Variants in DACH2 observed in about 807,000 individuals in gnomAD.
DACH2 encodes the protein dachshund homolog 2.
A neutral mutation model predicts 35.8 loss-of-function variants in DACH2; 17 were observed. The observed-to-expected ratio is 0.48, with a 90% confidence interval of 0.33 to 0.71. DACH2 has a LOEUF of 0.71. Among genes scored for constraint, DACH2 ranks in the 30% least tolerant of loss-of-function variants. The probability of loss-of-function intolerance (pLI) is 0.02; values close to 1 mark genes in which losing one functional copy is unlikely to be tolerated. For missense variants in DACH2, 469 were observed against 472.7 expected, an observed-to-expected ratio of 0.99 and a Z score of 0.07; for synonymous variants, 195 against 177.3, an observed-to-expected ratio of 1.10 and a Z score of -0.79.
At chrX:86,537,910 C>G (rs1420291548) in intron 3 of DACH2, among the ~76,000 whole-genome samples, 4 of 111,274 alleles carry the variant, frequency 3.6e-5, no homozygotes, top group Non-Finnish European at 7.5e-5. Context: ...AATTCCTTCT[C>G]CTGGCTCAGA....
At chrX:86,437,216 G>A (rs190886281) in intron 2 of DACH2, among the ~76,000 whole-genome samples, 1 of 111,097 alleles carries the variant, frequency 9.0e-6, no homozygotes, top group African/African-American at 3.3e-5. Context: ...TTTGTTACAT[G>A]CATAGAAGGT....
intron 2 of DACH2, among the ~76,000 whole-genome samples, chrX:86,414,163 G>A (rs563940955): frequency 1.8e-5 from 2 of 111,609 alleles, no homozygotes; most frequent in Admixed American, 9.5e-5. Flanking sequence ...GCTCAAGTCT[G>A]GAAATTGTTT....
chrX:86,402,693 T>A (rs1310189356), intron 2 of DACH2, among the ~76,000 whole-genome samples: 1 of 111,455 alleles, frequency 9.0e-6, no homozygotes, highest in Non-Finnish European at 1.9e-5. Context: ...ACAATTCATA[T>A]AGAACCAAAT....
intron 2 of DACH2, among the ~76,000 whole-genome samples, chrX:86,424,082 T>A (rs1279165541): frequency 6.3e-5 from 7 of 111,205 alleles, no homozygotes; most frequent in African/African-American, 1.6e-4. Context: ...TTTTGGTTCC[T>A]ATAGCTCTGT....
intron 2 of DACH2, among the ~76,000 whole-genome samples, chrX:86,442,780 G>A (rs769140752): frequency 1.8e-5 from 2 of 111,533 alleles, no homozygotes; most frequent in East Asian, 5.7e-4. Context: ...TGGATATCCA[G>A]CTTTCTCAGC....
At chrX:86,296,105 C>T (rs945354678) in intron 1 of DACH2, among the ~76,000 whole-genome samples, 5 of 109,890 alleles carry the variant, frequency 4.6e-5, no homozygotes, top group African/African-American at 1.7e-4. Flanking sequence ...CTTGGCCGGG[C>T]GAGGTGGCTC....
intron 4 of DACH2, among the ~76,000 whole-genome samples, chrX:86,694,611 T>C (rs2041046146): frequency 8.9e-6 from 1 of 112,391 alleles, no homozygotes; most frequent in East Asian, 2.8e-4. Flanking sequence ...TATTTTTGCA[T>C]GTTATCATGC....
intron 1 of DACH2, among the ~76,000 whole-genome samples, chrX:86,164,883 G>A (rs1181642068): frequency 2.7e-5 from 3 of 110,896 alleles, no homozygotes; most frequent in Non-Finnish European, 5.7e-5. Context: ...CTCCGGCTTT[G>A]TTCTTTTTAC....
In DACH2 at chrX:86,456,011, A is replaced by T. The variant is rs753307115; in HGVS notation, c.528-58268A>T. ...ATCTCCTGATCTGCAGGTTGCAAAGATCCTTGGGAGAAGCATGGTTTCCCT... is the reference window on the plus strand; with the variant it reads ...ATCTCCTGATCTGCAGGTTGCAAAGTTCCTTGGGAGAAGCATGGTTTCCCT... On this transcript the variant is annotated intron_variant, in intron 2 of 11. Transcript: ENST00000373125. Among the ~76,000 whole-genome samples the T allele has an allele frequency of 3.6e-5, 4 of 112,184 alleles. No individual in the cohort carries two copies. In the South Asian group the frequency reaches 1.5e-3, roughly 42 times the overall value.
chrX:86,568,953 T>C (rs192518513), intron 3 of DACH2, among the ~76,000 whole-genome samples: 1 of 111,682 alleles, frequency 9.0e-6, no homozygotes, highest in East Asian at 2.8e-4. Flanking sequence ...CTTCTGTGGT[T>C]CTATTTATCT....
intron 7 of DACH2, among the ~76,000 whole-genome samples, chrX:86,778,740 A>T (rs1221380578): frequency 9.0e-6 from 1 of 110,544 alleles, no homozygotes; most frequent in African/African-American, 3.3e-5. Context: ...GCTCCCAAGT[A>T]GCTGGGTTTA....
intron 3 of DACH2, among the ~76,000 whole-genome samples, chrX:86,523,977 A>G (rs949732818): frequency 1.1e-4 from 12 of 112,028 alleles, no homozygotes; most frequent in Non-Finnish European, 2.3e-4. Flanking sequence ...TCCCCAGAAC[A>G]GGGAGTGGAC....
At chrX:86,567,543 A>T (rs1476064367) in intron 3 of DACH2, among the ~76,000 whole-genome samples, 2 of 111,538 alleles carry the variant, frequency 1.8e-5, no homozygotes, top group African/African-American at 3.2e-5. Context: ...TTGTACATGT[A>T]TGGAATGTGC....
intron 2 of DACH2, among the ~76,000 whole-genome samples, chrX:86,471,424 C>G (rs953501332): frequency 9.0e-6 from 1 of 111,232 alleles, no homozygotes; most frequent in Non-Finnish European, 1.9e-5. Context: ...CTTGGAATCT[C>G]CTTGGTTTAA....
chrX:86,263,135 C>T, intron 1 of DACH2: 2 of 311,426 alleles, frequency 6.4e-6, no homozygotes, highest in Non-Finnish European at 8.5e-6. Context: ...ATAAAAGAAC[C>T]ATGTCAAAAG....
chrX:86,245,345 G>T (rs5968841), intron 1 of DACH2, among the ~76,000 whole-genome samples: 9,494 of 111,392 alleles, frequency 0.085, 1,019 homozygotes, highest in African/African-American at 0.29. Flanking sequence ...GGACTCTGTT[G>T]CTCCACTACT....
intron 2 of DACH2, among the ~76,000 whole-genome samples, chrX:86,415,309 G>A (rs1047513869): frequency 8.9e-6 from 1 of 111,833 alleles, no homozygotes; most frequent in African/African-American, 3.2e-5. Flanking sequence ...TCAAAGTTAC[G>A]CAGTTCCTTC....
intron 2 of DACH2, among the ~76,000 whole-genome samples, chrX:86,497,719 C>G (rs890149474): frequency 8.9e-6 from 1 of 111,997 alleles, no homozygotes; most frequent in African/African-American, 3.2e-5. Flanking sequence ...ACTGGCCAGG[C>G]GTGGTGGCTC....
intron 1 of DACH2, among the ~76,000 whole-genome samples, chrX:86,168,667 C>T (rs1177694692): frequency 9.5e-6 from 1 of 105,797 alleles, no homozygotes; most frequent in Non-Finnish European, 2.0e-5. Context: ...TTTTGTGTCT[C>T]TTTTGCATGT....
Sources: allele counts gnomAD v4.1 joint callset (sites outside exome capture counted in the v4.1 genomes callset), GRCh38; gene constraint gnomAD v4.1.1; transcripts MANE v1.5; gene names NCBI Gene and HGNC (gene_info 2026-07-23, HGNC 2026-07-21).